PLD4: variants seen among roughly 807,000 people sequenced by gnomAD.
The protein encoded by PLD4 is 5'-3' exonuclease PLD4.
Under a neutral mutation model 52.3 loss-of-function variants are expected in PLD4, and 54 were observed. That is an observed-to-expected ratio of 1.03 (90% CI 0.83 to 1.30). The LOEUF is 1.30. Ranked by LOEUF, PLD4 falls within the 50% of genes most tolerant of loss-of-function variation. PLD4 has a pLI of 0.00. For missense variants in PLD4, 731 were observed against 671.1 expected (o/e 1.09, Z -0.99); for synonymous variants, 264 against 286.5 (o/e 0.92, Z 0.79).
At position 104,930,053 on chromosome 14, in the gene PLD4, G is replaced by A; in HGVS notation, c.665G>A (p.Gly222Glu). 1 of 1,613,606 alleles carries A rather than the reference G, an allele frequency of 6.2e-7. No homozygotes were observed. The highest frequency in any genetic ancestry group is 8.5e-7 in the Non-Finnish European group (1 of 1,179,936). The change falls in exon 6 of 11, where the codon GGA becomes GAA. Residue 222 changes from glycine to glutamate, a missense_variant. Coordinates refer to ENST00000392593, the MANE Select transcript of PLD4 (RefSeq NM_138790.5). Reference protein sequence around the residue: ...VLHSKFWVVDGRHIYMGSANM... With the variant: ...VLHSKFWVVDERHIYMGSANM... Reference sequence around the variant, plus strand: ...CACTCCAAATTCTGGGTTGTGGATGGACGGCACATATACATGGGCAGTGCC... The same window carrying A: ...CACTCCAAATTCTGGGTTGTGGATGAACGGCACATATACATGGGCAGTGCC...
At position 104,928,286 on chromosome 14, in the gene PLD4, G is replaced by A. The variant is rs185079959; in HGVS notation, c.284+420G>A. On this transcript the variant is annotated intron_variant, in intron 3 of 10. Transcript: ENST00000392593. ...CATCCTGCACACATCCCCTGGAAAC[G>A]GGAGCTTACCTGCCCCTGGCCCAAC... is the stretch of plus-strand genomic sequence containing the variant. Among the ~76,000 whole-genome samples, 16 of 152,230 alleles carry A rather than the reference G, an allele frequency of 1.1e-4. No homozygotes were observed. The East Asian group carries it at 3.1e-3, about 29-fold the overall frequency.
rs1246660377 is a variant in PLD4, at chr14:104,932,270, C to T, written c.1236C>T (p.Ile412=). The change falls in exon 10 of 11, where the codon ATC becomes ATT. Residue 412 remains isoleucine, a synonymous_variant. Transcript: ENST00000392593. This position sits in a 1 kb window ranked among gnomAD's most constrained non-coding sequence, Gnocchi z 6.5. ...TCTGCTCCCCTAAGAAAGTCTTCATCGTGCCGGTGGGGAACCATTCCAACA... is the reference window on the plus strand; with the variant it reads ...TCTGCTCCCCTAAGAAAGTCTTCATTGTGCCGGTGGGGAACCATTCCAACA... The part of the protein sequence containing the change: ...ANVSVDVKVF[I]VPVGNHSNIP... 6.2e-7 allele frequency: 1 copy of T among 1,612,688 alleles called. No homozygotes were observed. The highest frequency in any genetic ancestry group is 8.5e-7 in the Non-Finnish European group (1 of 1,179,836).
chr14:104,932,780 C>A lies in PLD4; in HGVS notation c.1337C>A (p.Ser446Ter). ...KAAYIGTSNW[S>*]EDYFSSTAGV... is the part of the protein sequence containing the mutation. ...CTCCCCGCAGGCACCTCCAACTGGTCGGAGGATTACTTCAGCAGCACGGCG... is the reference window on the plus strand; with the variant it reads ...CTCCCCGCAGGCACCTCCAACTGGTAGGAGGATTACTTCAGCAGCACGGCG... Residue 446 changes from serine to a stop codon, truncating the protein, a stop_gained, in exon 11 of 11, where the codon TCG becomes TAG. Transcript: ENST00000392593. LOFTEE classifies it low-confidence loss of function (END_TRUNC). This position sits in a 1 kb window ranked among gnomAD's most constrained non-coding sequence, Gnocchi z 6.5. 6.3e-7 allele frequency: 1 copy of A among 1,585,458 alleles called. No homozygotes were observed. Among genetic ancestry groups the A allele is most frequent in the South Asian group, 1.1e-5 (1 of 87,534 alleles).
chr14:104,932,195 G>T lies in PLD4; in HGVS notation c.1224+18G>T, dbSNP rs1204044592. ...TGGACGTGGTGAGGGCGTGCTCCCG[G>T]CCGGGCGTGGGAAAGGCGGCCCTCC... On this transcript the variant is annotated intron_variant, in intron 9 of 10. Coordinates refer to ENST00000392593, the MANE Select transcript of PLD4 (RefSeq NM_138790.5). This position sits in a 1 kb window ranked among gnomAD's most constrained non-coding sequence, Gnocchi z 6.5. The T allele has an allele frequency of 6.2e-6, 10 of 1,611,890 alleles. No individual in the cohort carries two copies. Among genetic ancestry groups the T allele is most frequent in the Non-Finnish European group, 8.5e-6 (10 of 1,179,480 alleles).
intron 6 of PLD4, 116 bp from the exon 7 acceptor site, chr14:104,930,626 T>C: frequency 9.3e-7 from 1 of 1,081,070 alleles, no homozygotes; most frequent in Non-Finnish European, 1.4e-6. Context: ...TTCCCGCAAG[T>C]GGGGACCAGT....
intron 1 of PLD4, among the ~76,000 whole-genome samples, 194 bp downstream of exon 1, chr14:104,925,184 C>A (rs1336893132): frequency 1.3e-5 from 2 of 152,254 alleles, no homozygotes; most frequent in Non-Finnish European, 2.9e-5. Context: ...GCTCTCCAGC[C>A]AGGTGACAGC....
At chr14:104,925,506 C>T (rs952055161) in intron 1 of PLD4, among the ~76,000 whole-genome samples, 4 of 148,264 alleles carry the variant, frequency 2.7e-5, no homozygotes, top group Admixed American at 6.7e-5. Flanking sequence ...CTGAGCTGCC[C>T]GTCTGCCTGG....
downstream of PLD4, chr14:104,934,803 T>A (rs1395972434): frequency 2.0e-5 from 3 of 152,222 alleles, no homozygotes; most frequent in East Asian, 5.8e-4. Context: ...ACAGTACAAG[T>A]TACTTTTCTG....
At chr14:104,929,027 G>C in intron 4 of PLD4, 95 bp downstream of exon 4, 1 of 1,426,030 alleles carries the variant, frequency 7.0e-7, no homozygotes, top group African/African-American at 1.4e-5. Context: ...CAGGCCCGGG[G>C]GCTCAGCTTG....
chr14:104,927,253 G>A (rs769299300), intron 2 of PLD4, 23 bp downstream of exon 2: 20 of 1,520,830 alleles, frequency 1.3e-5, no homozygotes, highest in Non-Finnish European at 1.8e-5. Context: ...GGCCCCAGGG[G>A]GGAGGTGGCT....
In PLD4 at chr14:104,930,060, CATAT is replaced by C. The variant is rs774214029; in HGVS notation, c.674_677del (p.Ile225ThrfsTer12). The C allele has an allele frequency of 3.9e-5, 63 of 1,613,472 alleles. No individual in the cohort carries two copies. Among genetic ancestry groups the C allele is most frequent in the Non-Finnish European group, 5.3e-5 (62 of 1,179,992 alleles). Reference sequence around the variant, plus strand: ...AATTCTGGGTTGTGGATGGACGGCACATATACATGGGCAGTGCCAACATGGACTG... The same window carrying C: ...AATTCTGGGTTGTGGATGGACGGCACACATGGGCAGTGCCAACATGGACTG... On this transcript the variant is annotated frameshift_variant, in exon 6 of 11. Transcript: ENST00000392593. LOFTEE classifies it high-confidence loss of function.
intron 5 of PLD4, 49 bp from the exon 6 acceptor site, chr14:104,929,929 T>C (rs748644429): frequency 1.4e-5 from 23 of 1,605,684 alleles, no homozygotes; most frequent in Non-Finnish European, 1.8e-5. Context: ...ACCATGAAGC[T>C]AGCACTTAGC....
chr14:104,935,734 A>G (rs376656679), downstream of PLD4: 1 of 152,204 alleles, frequency 6.6e-6, no homozygotes, highest in Non-Finnish European at 1.5e-5. Context: ...GAGCTGTCCT[A>G]TGAAGAGGCC....
chr14:104,927,700 C>T lies in PLD4; in HGVS notation c.118C>T (p.Leu40=). ...GCAGGTCCTGGGAGCGCTGGCTGTG[C>T]TGTGGCTGGGCTCCGTGGCTCTTAT... ...TLQVLGALAV[L]WLGSVALICL... The change falls in exon 3 of 11, where the codon CTG becomes TTG. Residue 40 remains leucine (L), a synonymous_variant. Transcript: ENST00000392593. 1 of 1,600,166 alleles carries T rather than the reference C, an allele frequency of 6.2e-7. No individual in the cohort carries two copies. Among genetic ancestry groups the T allele is most frequent in the Non-Finnish European group, 8.5e-7 (1 of 1,176,442 alleles).
chr14:104,928,876 T>C lies in PLD4; in HGVS notation c.412T>C (p.Tyr138His), dbSNP rs1566888478. 1.2e-6 allele frequency: 2 copies of C among 1,611,970 alleles called. No individual in the cohort carries two copies. The highest frequency in any genetic ancestry group is 2.7e-5 in the African/African-American group (2 of 74,924). ...CCAGGAGAGCGTCCACGTGGCTTCA[T>C]ACTACTGGTCCCTCACAGGGCCTGA... ...TAQESVHVAS[Y>H]YWSLTGPDIG... is the part of the protein sequence containing the mutation. The change falls in exon 4 of 11, where the codon TAC becomes CAC. Residue 138 changes from tyrosine to histidine, a missense_variant. By Grantham distance (83) the Tyr-to-His change is moderately conservative. Transcript: ENST00000392593.
intron 3 of PLD4, among the ~76,000 whole-genome samples, chr14:104,928,326 C>A (rs874753): frequency 0.35 from 53,251 of 152,126 alleles, 11,521 homozygotes; most frequent in Middle Eastern, 0.57. Flanking sequence ...CCCTTCCAGG[C>A]CAGCTCTGGC....
At chr14:104,929,561 C>G in intron 5 of PLD4, 134 bp downstream of exon 5, 2 of 1,337,320 alleles carry the variant, frequency 1.5e-6, no homozygotes, top group Non-Finnish European at 2.0e-6. Flanking sequence ...CCCAGGAGGG[C>G]AGGACCCAGG....
intron 1 of PLD4, among the ~76,000 whole-genome samples, chr14:104,926,568 T>C (rs938670738): frequency 3.9e-5 from 6 of 152,162 alleles, no homozygotes; most frequent in Non-Finnish European, 7.4e-5. Flanking sequence ...CCAGCAAGGG[T>C]ACTGCTCAGC....
rs770150327 is a variant in PLD4 at position 104,933,005 on chromosome 14, G to T, written c.*41G>T. ...CTCTCGGCGACCCCGCCCCGCACGCGCCCTCCCCTCTGACCCCGGCCTGGG... is the reference window on the plus strand; with the variant it reads ...CTCTCGGCGACCCCGCCCCGCACGCTCCCTCCCCTCTGACCCCGGCCTGGG... On this transcript the variant is annotated 3_prime_UTR_variant, in exon 11 of 11. Transcript: ENST00000392593. The T allele has an allele frequency of 4.5e-5, 68 of 1,510,370 alleles. 1 individual carries two copies. Among genetic ancestry groups the T allele is most frequent in the Non-Finnish European group, 5.7e-5 (64 of 1,130,164 alleles). The allele number at this position is 1,510,370 out of a possible 1,614,324, so 93.6% of individuals were successfully genotyped here. A position where few individuals can be genotyped will look rare whatever the true frequency, so the allele number is the denominator to read the frequency against.
Sources: gnomAD v4.1 joint callset for allele counts (sites outside exome capture counted in the v4.1 genomes callset) on GRCh38, gnomAD v4.1.1 for gene constraint, Gnocchi (gnomAD v3.1) non-coding constraint, MANE v1.5 for transcripts, NCBI Gene and HGNC (gene_info 2026-07-23, HGNC 2026-07-21) for gene names.